The following IL1RAPL1 variants were observed in gnomAD, a reference collection of about 807,000 sequenced individuals.
The protein encoded by IL1RAPL1 is interleukin 1 receptor accessory protein like 1.
A neutral mutation model predicts 48.4 loss-of-function variants in IL1RAPL1; 3 were observed. The observed-to-expected ratio is 0.06, with a 90% CI of 0.03 to 0.16. The LOEUF is 0.16. Ranked by LOEUF, IL1RAPL1 falls within the 10% of genes least tolerant of loss-of-function variation. The pLI, the probability that IL1RAPL1 is intolerant of heterozygous loss-of-function variation, is 1.00. For synonymous variants in IL1RAPL1, 185 were observed against 187.7 expected (o/e 0.99, Z 0.12); for missense variants, 349 against 530.6 (o/e 0.66, Z 3.36).
At chrX:29,889,970 A>G (rs1932244906) in intron 6 of IL1RAPL1, among the ~76,000 whole-genome samples, 1 of 110,949 alleles carries the variant, frequency 9.0e-6, no homozygotes, top group Admixed American at 9.7e-5. Context: ...TTTATATCAT[A>G]TATATATTAC....
intron 2 of IL1RAPL1, among the ~76,000 whole-genome samples, chrX:28,921,479 A>G (rs1196824426): frequency 9.0e-6 from 1 of 111,641 alleles, no homozygotes; most frequent in Non-Finnish European, 1.9e-5. Context: ...GGTGGAAGCC[A>G]CATTTTCTCT....
chrX:29,656,320 T>C (rs1193672829), intron 5 of IL1RAPL1, among the ~76,000 whole-genome samples: 1 of 111,627 alleles, frequency 9.0e-6, no homozygotes, highest in Non-Finnish European at 1.9e-5. Flanking sequence ...TTTGGTTACA[T>C]GGGTATGGTC....
intron 2 of IL1RAPL1, among the ~76,000 whole-genome samples, chrX:28,927,584 A>G (rs1346662085): frequency 9.1e-6 from 1 of 109,667 alleles, no homozygotes; most frequent in Non-Finnish European, 1.9e-5. Flanking sequence ...CTTCCCTGAC[A>G]TAGGCTGGTT....
intron 6 of IL1RAPL1, among the ~76,000 whole-genome samples, chrX:29,816,730 C>A (rs919123016): frequency 9.1e-6 from 1 of 110,374 alleles, no homozygotes; most frequent in Non-Finnish European, 1.9e-5. Context: ...TTCTCCATGA[C>A]CACTCTTTAA....
intron 2 of IL1RAPL1, among the ~76,000 whole-genome samples, chrX:29,221,392 A>G (rs773861133): frequency 9.0e-6 from 1 of 111,070 alleles, no homozygotes; most frequent in East Asian, 2.8e-4. Flanking sequence ...AGTGTATTTC[A>G]CTGTCTTTTG....
chrX:28,759,702 A>G (rs1936145573), intron 1 of IL1RAPL1, among the ~76,000 whole-genome samples: 1 of 111,957 alleles, frequency 8.9e-6, no homozygotes, highest in African/African-American at 3.2e-5. Context: ...AATGCAGGAA[A>G]GAATATCACC....
chrX:29,402,066 G>T (rs1204564497), intron 5 of IL1RAPL1, among the ~76,000 whole-genome samples: 1 of 110,847 alleles, frequency 9.0e-6, no homozygotes, highest in African/African-American at 3.3e-5. Context: ...GCTAATTTTT[G>T]TATTTTTAGT....
At chrX:29,939,028 A>G (rs1933081688) in intron 8 of IL1RAPL1, among the ~76,000 whole-genome samples, 1 of 112,483 alleles carries the variant, frequency 8.9e-6, no homozygotes, top group Non-Finnish European at 1.9e-5. Context: ...TGAATAAATA[A>G]GACTATTCTG....
intron 1 of IL1RAPL1, among the ~76,000 whole-genome samples, chrX:28,710,330 A>C (rs1023336742): frequency 2.0e-5 from 2 of 102,086 alleles, no homozygotes; most frequent in Non-Finnish European, 3.9e-5. Context: ...AAAGAAAAGG[A>C]GATCAGGTAA....
chrX:29,298,579 A>G (rs572164511), intron 3 of IL1RAPL1, among the ~76,000 whole-genome samples: 2 of 111,781 alleles, frequency 1.8e-5, no homozygotes, highest in African/African-American at 3.2e-5. Flanking sequence ...TTCCTTCCCA[A>G]ATTGTAGCAT....
At chrX:29,728,733 T>C (rs1185930912) in intron 6 of IL1RAPL1, among the ~76,000 whole-genome samples, 2 of 112,355 alleles carry the variant, frequency 1.8e-5, no homozygotes, top group African/African-American at 6.5e-5. Context: ...CCCGGAAATA[T>C]AGTGACTTGA....
chrX:29,484,980 A>G (rs1414039219), intron 5 of IL1RAPL1, among the ~76,000 whole-genome samples: 1 of 112,056 alleles, frequency 8.9e-6, no homozygotes, highest in Non-Finnish European at 1.9e-5. Flanking sequence ...TACAATCACT[A>G]AAGGATTAAC....
chrX:29,006,135 G>A (rs1040229324), intron 2 of IL1RAPL1, among the ~76,000 whole-genome samples: 1 of 111,098 alleles, frequency 9.0e-6, no homozygotes, highest in Non-Finnish European at 1.9e-5. Context: ...GCTGGGTGTG[G>A]CCAGTGAGGA....
chrX:29,955,368 T>C lies in IL1RAPL1; in HGVS notation c.1639T>C (p.Leu547=). 3 of 1,211,604 alleles carry C rather than the reference T, an allele frequency of 2.5e-6. No individual in the cohort carries two copies. The highest frequency in any genetic ancestry group is 3.4e-6 in the Non-Finnish European group (3 of 895,428). ...IKWHGPKCNK[L]NSKFWKRLQY... Reference sequence around the variant, plus strand: ...ATGGCATGGACCAAAATGCAACAAGTTGAACTCCAAGTTCTGGAAACGTTT... The same window carrying C: ...ATGGCATGGACCAAAATGCAACAAGCTGAACTCCAAGTTCTGGAAACGTTT... Residue 547 remains leucine (L), a synonymous_variant, in exon 11 of 11, where the codon TTG becomes CTG. Coordinates refer to ENST00000378993, the MANE Select transcript of IL1RAPL1 (RefSeq NM_014271.4).
chrX:28,831,829 T>C (rs1256803551), intron 2 of IL1RAPL1, among the ~76,000 whole-genome samples: 4 of 111,469 alleles, frequency 3.6e-5, no homozygotes, highest in Non-Finnish European at 7.5e-5. Flanking sequence ...TTTAATATTT[T>C]TGTTTTCTTT....
intron 8 of IL1RAPL1, among the ~76,000 whole-genome samples, chrX:29,929,190 A>G (rs1274543420): frequency 2.7e-5 from 3 of 111,687 alleles, no homozygotes; most frequent in Non-Finnish European, 5.7e-5. Flanking sequence ...AACCACCTCA[A>G]AATTGTTACC....
At chrX:29,431,552 A>AT (rs1167260788) in intron 5 of IL1RAPL1, among the ~76,000 whole-genome samples, 1 of 112,082 alleles carries the variant, frequency 8.9e-6, no homozygotes, top group Non-Finnish European at 1.9e-5. Context: ...AAGAAAATAT[A>AT]TTATTCCTTT....
At chrX:29,262,991 G>A (rs1931887513) in intron 2 of IL1RAPL1, among the ~76,000 whole-genome samples, 2 of 111,249 alleles carry the variant, frequency 1.8e-5, no homozygotes, top group African/African-American at 3.3e-5. Context: ...ATAATCCTTT[G>A]CTGATGAGTA....
rs1936509460 is a variant in IL1RAPL1, at chrX:28,789,327, C to G, written c.-17C>G. ...TTTTAATCTTTGCTTTAGGGAACGGCCTTTAAGAGCTGGAAGATGAAAGCT... is the reference window on the plus strand; with the variant it reads ...TTTTAATCTTTGCTTTAGGGAACGGGCTTTAAGAGCTGGAAGATGAAAGCT... On this transcript the variant is annotated 5_prime_UTR_variant, in exon 2 of 11. Transcript: ENST00000378993. 1.7e-6 allele frequency: 2 copies of G among 1,158,155 alleles called. No individual in the cohort carries two copies. Among genetic ancestry groups the G allele is most frequent in the African/African-American group, 3.5e-5 (2 of 56,861 alleles).
Sources: gnomAD v4.1 joint callset for allele counts (sites outside exome capture counted in the v4.1 genomes callset) on GRCh38, gnomAD v4.1.1 for gene constraint, MANE v1.5 for transcripts, NCBI Gene and HGNC (gene_info 2026-07-23, HGNC 2026-07-21) for gene names.